Variants in CKAP5 observed in about 807,000 individuals in gnomAD.
CKAP5 encodes cytoskeleton-associated protein 5.
CKAP5 carries 27 observed loss-of-function variants against 232.8 expected under a neutral mutation model. The ratio of observed to expected loss-of-function variants is 0.12; its 90% CI spans 0.09 to 0.16. The LOEUF (loss-of-function observed/expected upper bound fraction) is 0.16, where lower values mean the gene tolerates loss of function less well. Ranked by LOEUF, CKAP5 falls within the 10% of genes least tolerant of loss-of-function variation. CKAP5 has a pLI of 1.00. For missense variants in CKAP5, 1,838 were observed against 2,424.7 expected (o/e 0.76, Z 5.08); for synonymous variants, 785 against 841.1 (o/e 0.93, Z 1.16).
chr11:46,769,557 G>A (rs1055932745), intron 26 of CKAP5, among the ~76,000 whole-genome samples: 2 of 152,046 alleles, frequency 1.3e-5, no homozygotes, highest in Non-Finnish European at 2.9e-5. Context: ...TTAGCCAGGT[G>A]TGATGGCGCA....
chr11:46,809,951 G>A (rs1939238920), intron 5 of CKAP5, 77 bp from the exon 6 acceptor site: 3 of 1,348,158 alleles, frequency 2.2e-6, no homozygotes, highest in Admixed American at 2.3e-5. Context: ...TACATTTATT[G>A]ACATATCAGG....
chr11:46,769,179 A>T (rs544953423), intron 26 of CKAP5, among the ~76,000 whole-genome samples: 100 of 152,282 alleles, frequency 6.6e-4, no homozygotes, highest in African/African-American at 2.3e-3. Context: ...TTGGCCTCCC[A>T]AAGTGCTGGG....
At chr11:46,809,309 T>C (rs1939224538) in intron 7 of CKAP5, 91 bp downstream of exon 7, 1 of 776,060 alleles carries the variant, frequency 1.3e-6, no homozygotes, top group South Asian at 1.8e-5. Context: ...TGGAAGGGGG[T>C]GCATCAGGCA....
Position 46,839,609 on chromosome 11 carries a change from G to A in CKAP5, c.-38+6611C>T, listed in dbSNP as rs190829895. On this transcript the variant is annotated intron_variant, in intron 1 of 43. Transcript: ENST00000529230. ...GTCATTCATATTTCATCACATCTCCGATAGAAGTACTTTTTTAAAAGGGGC... is the reference window on the plus strand; with the variant it reads ...GTCATTCATATTTCATCACATCTCCAATAGAAGTACTTTTTTAAAAGGGGC... Among the ~76,000 whole-genome samples the A allele has an allele frequency of 2.8e-3, 425 of 152,076 alleles. 2 individuals are homozygous for A. Among genetic ancestry groups the A allele is most frequent in the African/African-American group, 9.6e-3 (398 of 41,500 alleles).
chr11:46,786,196 C>T (rs180708183), intron 16 of CKAP5, among the ~76,000 whole-genome samples: 163 of 152,192 alleles, frequency 1.1e-3, no homozygotes, highest in African/African-American at 3.6e-3. Context: ...ATACAAGAAC[C>T]ATTTAAAGAA....
chr11:46,780,079 TTCC>T (rs1218318304), intron 20 of CKAP5, 112 bp downstream of exon 20: 1 of 1,141,326 alleles, frequency 8.8e-7, no homozygotes, highest in Non-Finnish European at 1.3e-6. Flanking sequence ...GCAATCCTCC[TTCC>T]TCAGGCTCCT....
intron 1 of CKAP5, among the ~76,000 whole-genome samples, chr11:46,832,413 A>G (rs537285764): frequency 8.5e-5 from 13 of 152,340 alleles, no homozygotes; most frequent in African/African-American, 3.1e-4. Flanking sequence ...AGTTGCTTGA[A>G]AGAAATCTTA....
chr11:46,837,589 T>G (rs770832356), intron 1 of CKAP5, among the ~76,000 whole-genome samples: 10 of 152,124 alleles, frequency 6.6e-5, no homozygotes, highest in Non-Finnish European at 1.3e-4. Context: ...TGGCTGATTC[T>G]AGCACTGGGA....
At chr11:46,823,761 C>T (rs1256367371) in intron 1 of CKAP5, among the ~76,000 whole-genome samples, 2 of 152,164 alleles carry the variant, frequency 1.3e-5, no homozygotes, top group Non-Finnish European at 2.9e-5. Flanking sequence ...GCTGGGACTA[C>T]AGGCACATGT....
In CKAP5 at chr11:46,783,327, C is replaced by T; in HGVS notation, c.2196G>A (p.Gln732=). ...TTGATAGCCAATTCAGAGTTTCTGA[C>T]TGATTTTTGGGATTCTTTTGTGAGA... is the stretch of plus-strand genomic sequence containing the variant. The part of the protein sequence containing the change: ...MAFSQKNPKN[Q]SETLNWLSNA... The change falls in exon 18 of 44, where the codon CAG becomes CAA. Residue 732 remains glutamine (Q), a synonymous_variant. Transcript: ENST00000529230. 3.7e-6 allele frequency: 6 copies of T among 1,612,550 alleles called. No individual in the cohort carries two copies. Among genetic ancestry groups the T allele is most frequent in the Non-Finnish European group, 5.1e-6 (6 of 1,179,372 alleles).
intron 1 of CKAP5, among the ~76,000 whole-genome samples, chr11:46,821,719 G>A (rs1264141761): frequency 6.6e-6 from 1 of 151,490 alleles, no homozygotes; most frequent in African/African-American, 2.4e-5. Flanking sequence ...CACCGCGCCC[G>A]GCCAATAGAA....
chr11:46,776,912 T>TA (rs2065296157), intron 23 of CKAP5, among the ~76,000 whole-genome samples: 1 of 152,160 alleles, frequency 6.6e-6, no homozygotes, highest in Non-Finnish European at 1.5e-5. Context: ...AGTCTACGGC[T>TA]AAACATTGTA....
chr11:46,801,275 C>G lies in CKAP5; in HGVS notation c.1008G>C (p.Leu336Phe). Residue 336 changes from leucine to phenylalanine, a missense_variant, in exon 9 of 44, where the codon TTG becomes TTC. This residue lies in a region of CKAP5 where 97 missense variants were observed against 167.7 expected (regional missense o/e 0.58). Coordinates refer to ENST00000529230, the MANE Select transcript of CKAP5 (RefSeq NM_001008938.4). Reference protein sequence around the residue: ...KVVGKDTNVMLVALAAKCLTG... With the variant: ...KVVGKDTNVMFVALAAKCLTG... ...TAAGACATTTTGCTGCCAAAGCCAC[C>G]AACATGACATTGGTGTCCTTTCCAA... The G allele has an allele frequency of 6.2e-7, 1 of 1,613,686 alleles. No homozygotes were observed. The highest frequency in any genetic ancestry group is 8.5e-7 in the Non-Finnish European group (1 of 1,179,648).
At chr11:46,777,768 A>G (rs1469860906) in intron 22 of CKAP5, among the ~76,000 whole-genome samples, 1 of 152,246 alleles carries the variant, frequency 6.6e-6, no homozygotes, top group Non-Finnish European at 1.5e-5. Flanking sequence ...GATTATCAGA[A>G]TTTTAGACCA....
rs185047578 is a variant in CKAP5, at chr11:46,805,764, C to T, written c.978+2267G>A. Among the ~76,000 whole-genome samples the T allele has an allele frequency of 2.8e-3, 422 of 152,226 alleles. 2 individuals are homozygous for T. Among genetic ancestry groups the T allele is most frequent in the African/African-American group, 9.5e-3 (395 of 41,548 alleles). On this transcript the variant is annotated intron_variant, in intron 8 of 43. Coordinates refer to ENST00000529230, the MANE Select transcript of CKAP5 (RefSeq NM_001008938.4). Reference sequence around the variant, plus strand: ...TAGCCTGGCCAACATGGTGAAACCCCGTCTCTACTAAAAACACAAAAATTA... The same window carrying T: ...TAGCCTGGCCAACATGGTGAAACCCTGTCTCTACTAAAAACACAAAAATTA...
chr11:46,760,383 C>G (rs191795208), intron 33 of CKAP5: 3 of 670,688 alleles, frequency 4.5e-6, no homozygotes, highest in African/African-American at 1.8e-5. Context: ...ATTCTGTCCA[C>G]GGAAAAGCAG....
rs568974875 is a variant in CKAP5, at chr11:46,803,091, C to G, written c.979-1787G>C. Among the ~76,000 whole-genome samples, 44 of 151,802 alleles carry G rather than the reference C, an allele frequency of 2.9e-4. No individual in the cohort carries two copies. In the South Asian group the frequency reaches 5.6e-3, roughly 19 times the overall value. On this transcript the variant is annotated intron_variant, in intron 8 of 43. Transcript: ENST00000529230. ...CCAACCTGGGCAACATAGCGAAACC[C>G]TGTCTCTACCAAAAATAGAAAAATT...
Position 46,821,261 on chromosome 11 carries a change from A to C in CKAP5, c.-30T>G. On this transcript the variant is annotated 5_prime_UTR_variant, in exon 2 of 44. Transcript: ENST00000529230. ...CTTCCAGGTTTTCCTTAGAATTAAG[A>C]GTATTTCCTGGTCAGATAAAGGTAG... 6.4e-7 allele frequency: 1 copy of C among 1,566,392 alleles called. No homozygotes were observed. The highest frequency in any genetic ancestry group is 1.1e-5 in the South Asian group (1 of 89,928).
chr11:46,808,064 G>A lies in CKAP5; in HGVS notation c.945C>T (p.Gly315=), dbSNP rs1481739336. 3.1e-6 allele frequency: 5 copies of A among 1,613,432 alleles called. No homozygotes were observed. In the South Asian group the frequency reaches 3.3e-5, roughly 11 times the overall value. ...VLIKNPKLEA[G]DYADLVKALK... is the part of the protein sequence containing the mutation. ...ATGCTTTTACTAAATCTGCATAATCGCCAGCTTCCAGTTTGGGGTTTTTTA... is the reference window on the plus strand; with the variant it reads ...ATGCTTTTACTAAATCTGCATAATCACCAGCTTCCAGTTTGGGGTTTTTTA... Residue 315 remains glycine (G), a synonymous_variant, in exon 8 of 44, where the codon GGC becomes GGT. Transcript: ENST00000529230.
Sources: allele counts gnomAD v4.1 joint callset (sites outside exome capture counted in the v4.1 genomes callset), GRCh38; gene constraint gnomAD v4.1.1; regional missense constraint gnomAD v4.1.1; transcripts MANE v1.5; gene names NCBI Gene and HGNC (gene_info 2026-07-23, HGNC 2026-07-21).